Variants in CNTNAP5 observed in about 807,000 individuals in gnomAD.
CNTNAP5 encodes contactin-associated protein-like 5.
In CNTNAP5, 72 loss-of-function variants were observed where a neutral mutation model predicts 150.2. The ratio of observed to expected loss-of-function variants is 0.48; its 90% confidence interval spans 0.40 to 0.58. CNTNAP5 has a LOEUF of 0.58. Among genes scored for constraint, CNTNAP5 ranks in the 20% least tolerant of loss-of-function variants. CNTNAP5 has a pLI of 0.00. For synonymous variants in CNTNAP5, 672 were observed against 619.8 expected, an observed-to-expected ratio of 1.08 and a Z score of -1.25; for missense variants, 1,636 against 1,626.2, an observed-to-expected ratio of 1.01 and a Z score of -0.10.
chr2:124,370,122 G>A (rs191262409), intron 3 of CNTNAP5, among the ~76,000 whole-genome samples: 3 of 152,292 alleles, frequency 2.0e-5, no homozygotes, highest in Admixed American at 1.3e-4. Flanking sequence ...TGAGAAAACA[G>A]CATCTCAAGA....
intron 13 of CNTNAP5, among the ~76,000 whole-genome samples, chr2:124,722,493 C>T (rs1411069599): frequency 2.6e-5 from 4 of 152,080 alleles, no homozygotes; most frequent in Non-Finnish European, 5.9e-5. Context: ...AGACCAAATC[C>T]TAGTATGGCA....
At chr2:124,186,674 A>C (rs1685340572) in intron 1 of CNTNAP5, among the ~76,000 whole-genome samples, 1 of 152,178 alleles carries the variant, frequency 6.6e-6, no homozygotes. Context: ...AAGCTTTATT[A>C]GAAGGATGAT....
At chr2:124,393,103 C>A (rs1168648899) in intron 3 of CNTNAP5, among the ~76,000 whole-genome samples, 3 of 151,986 alleles carry the variant, frequency 2.0e-5, no homozygotes, top group Non-Finnish European at 4.4e-5. Context: ...ATGGGAGAAC[C>A]TCTTTAAGTG....
intron 3 of CNTNAP5, among the ~76,000 whole-genome samples, chr2:124,304,609 A>G (rs1688635940): frequency 6.6e-6 from 1 of 152,136 alleles, no homozygotes; most frequent in South Asian, 2.1e-4. Flanking sequence ...TAAAAAAATA[A>G]CATTCTGGCT....
intron 3 of CNTNAP5, among the ~76,000 whole-genome samples, chr2:124,285,995 TTAA>T (rs1191855599): frequency 1.7e-4 from 26 of 152,334 alleles, no homozygotes; most frequent in African/African-American, 6.3e-4. Flanking sequence ...TATTTTGTTA[TTAA>T]TAATATTTTC....
chr2:124,083,491 C>A (rs1214209910), intron 1 of CNTNAP5, among the ~76,000 whole-genome samples: 2 of 152,092 alleles, frequency 1.3e-5, no homozygotes, highest in Non-Finnish European at 2.9e-5. Flanking sequence ...ATGGATTATG[C>A]ACTCTTTGTC....
intron 11 of CNTNAP5, among the ~76,000 whole-genome samples, chr2:124,573,128 A>G (rs532644050): frequency 6.6e-6 from 1 of 152,324 alleles, no homozygotes; most frequent in East Asian, 1.9e-4. Flanking sequence ...TTCTCTTCAC[A>G]TTACAACATC....
chr2:124,149,172 C>T (rs755370833), intron 1 of CNTNAP5, among the ~76,000 whole-genome samples: 1 of 152,038 alleles, frequency 6.6e-6, no homozygotes, highest in Non-Finnish European at 1.5e-5. Context: ...CCATCCAGAT[C>T]TGCTCCAGTT....
intron 13 of CNTNAP5, among the ~76,000 whole-genome samples, chr2:124,724,154 AATAAT>A (rs1321275594): frequency 6.7e-6 from 1 of 149,214 alleles, no homozygotes; most frequent in East Asian, 2.0e-4. Context: ...AAATAATAAT[AATAAT>A]AATAATAATA....
chr2:124,139,684 G>C (rs1684062446), intron 1 of CNTNAP5, among the ~76,000 whole-genome samples: 1 of 152,198 alleles, frequency 6.6e-6, no homozygotes, highest in Non-Finnish European at 1.5e-5. Context: ...AGTGCACACT[G>C]TTGCTGAATA....
At chr2:124,243,338 T>C (rs1686934782) in intron 3 of CNTNAP5, among the ~76,000 whole-genome samples, 1 of 152,144 alleles carries the variant, frequency 6.6e-6, no homozygotes, top group African/African-American at 2.4e-5. Flanking sequence ...TAGTGTTGTC[T>C]TCACATTCAC....
At chr2:124,706,915 G>A (rs1381782350) in intron 13 of CNTNAP5, among the ~76,000 whole-genome samples, 1 of 114,062 alleles carries the variant, frequency 8.8e-6, no homozygotes, top group East Asian at 2.5e-4. Context: ...AGGAGGAGGA[G>A]GAGAAGAAGA....
At chr2:124,769,565 T>C (rs1234692579) in intron 16 of CNTNAP5, among the ~76,000 whole-genome samples, 1 of 152,168 alleles carries the variant, frequency 6.6e-6, no homozygotes, top group Non-Finnish European at 1.5e-5. Flanking sequence ...GTGGGCTATG[T>C]CCACCTCTTC....
At chr2:124,377,746 G>C (rs539145053) in intron 3 of CNTNAP5, among the ~76,000 whole-genome samples, 3 of 150,916 alleles carry the variant, frequency 2.0e-5, no homozygotes, top group Non-Finnish European at 4.4e-5. Flanking sequence ...CAAATCCCTG[G>C]GGGAAAAAAA....
At chr2:124,232,364 A>G in intron 2 of CNTNAP5, among the ~76,000 whole-genome samples, 1 of 152,136 alleles carries the variant, frequency 6.6e-6, no homozygotes, top group Non-Finnish European at 1.5e-5. Flanking sequence ...CTAACTGGGA[A>G]TAGTTAGAAG....
At chr2:124,655,874 C>A (rs1343459267) in intron 13 of CNTNAP5, among the ~76,000 whole-genome samples, 7 of 149,544 alleles carry the variant, frequency 4.7e-5, no homozygotes, top group African/African-American at 1.7e-4. Context: ...GCACTCCAGC[C>A]TCAACAACAC....
rs1682492956 is a variant in CNTNAP5, at chr2:124,821,585, C to CAACT, written c.3217+23266_3217+23269dup. Among the ~76,000 whole-genome samples the CAACT allele has an allele frequency of 3.3e-5, 5 of 152,186 alleles. No homozygotes were observed. In the South Asian group the frequency reaches 1.0e-3, roughly 32 times the overall value. ...CATCTCCAGAGTAGAGTGCAATGTA[C>CAACT]AACTGTTCCAATTACCTATTTTTTT... On this transcript the variant is annotated intron_variant, in intron 19 of 23. Coordinates refer to ENST00000682447, the MANE Select transcript of CNTNAP5 (RefSeq NM_001367498.1).
intron 1 of CNTNAP5, among the ~76,000 whole-genome samples, chr2:124,193,410 G>A (rs1167441996): frequency 1.3e-5 from 2 of 152,108 alleles, no homozygotes; most frequent in Admixed American, 6.5e-5. Flanking sequence ...AGAGATCTTT[G>A]TATCTTTTGT....
intron 8 of CNTNAP5, among the ~76,000 whole-genome samples, chr2:124,518,850 G>A (rs370485332): frequency 1.2e-4 from 18 of 151,820 alleles, no homozygotes; most frequent in East Asian, 7.8e-4. Context: ...TTACCCTGGC[G>A]TGGTGGCGGG....
Sources: gnomAD v4.1 joint callset for allele counts (sites outside exome capture counted in the v4.1 genomes callset) on GRCh38, gnomAD v4.1.1 for gene constraint, MANE v1.5 for transcripts, NCBI Gene and HGNC (gene_info 2026-07-23, HGNC 2026-07-21) for gene names.